Variants in CDH13 observed in about 807,000 individuals in gnomAD.
CDH13 encodes cadherin-13.
CDH13 carries 24 observed loss-of-function variants against 63.8 expected under a neutral mutation model. That is an observed-to-expected ratio of 0.38 (90% CI 0.27 to 0.53). The LOEUF (loss-of-function observed/expected upper bound fraction) is 0.53, where lower values mean the gene tolerates loss of function less well. Ranked by LOEUF, CDH13 falls within the 20% of genes least tolerant of loss-of-function variation. The probability of loss-of-function intolerance (pLI) is 0.85; values close to 1 mark genes in which losing one functional copy is unlikely to be tolerated. For synonymous variants in CDH13, 503 were observed against 355.3 expected, an observed-to-expected ratio of 1.42 and a Z score of -4.67; for missense variants, 1,049 against 903.1, an observed-to-expected ratio of 1.16 and a Z score of -2.07.
intron 4 of CDH13, among the ~76,000 whole-genome samples, chr16:83,140,097 C>A (rs996394571): frequency 3.9e-5 from 6 of 152,200 alleles, no homozygotes; most frequent in African/African-American, 1.2e-4. Flanking sequence ...CGTATACATT[C>A]ATAAAGACAC....
chr16:82,797,737 G>GCTAA (rs2036653243), intron 1 of CDH13, among the ~76,000 whole-genome samples: 1 of 151,488 alleles, frequency 6.6e-6, no homozygotes, highest in Non-Finnish European at 1.5e-5. Flanking sequence ...AGTGAACAAT[G>GCTAA]CTAAGGTTTA....
chr16:83,598,663 T>G (rs1237928534), intron 7 of CDH13, among the ~76,000 whole-genome samples: 1 of 152,114 alleles, frequency 6.6e-6, no homozygotes, highest in African/African-American at 2.4e-5. Context: ...ATGTATTAGC[T>G]CATAGAATTC....
intron 6 of CDH13, among the ~76,000 whole-genome samples, chr16:83,451,423 A>T (rs2072884144): frequency 6.6e-6 from 1 of 152,196 alleles, no homozygotes; most frequent in Non-Finnish European, 1.5e-5. Context: ...GTTACCTCCC[A>T]CCAGGTCCCA....
intron 2 of CDH13, among the ~76,000 whole-genome samples, chr16:82,947,697 A>C (rs1664666305): frequency 6.6e-6 from 1 of 152,190 alleles, no homozygotes; most frequent in African/African-American, 2.4e-5. Flanking sequence ...TTAAGCTTGC[A>C]AGTTTGGGAG....
At chr16:83,680,881 A>G (rs1321920837) in intron 10 of CDH13, among the ~76,000 whole-genome samples, 1 of 152,082 alleles carries the variant, frequency 6.6e-6, no homozygotes, top group African/African-American at 2.4e-5. Context: ...TCAGGTGCTC[A>G]GAACATATTC....
At chr16:83,324,517 A>G (rs2090315867) in intron 5 of CDH13, among the ~76,000 whole-genome samples, 1 of 152,228 alleles carries the variant, frequency 6.6e-6, no homozygotes, top group African/African-American at 2.4e-5. Context: ...CCCTTCCATG[A>G]GTAGCTTCGT....
intron 10 of CDH13, among the ~76,000 whole-genome samples, chr16:83,689,058 C>T (rs966329902): frequency 1.3e-5 from 2 of 152,098 alleles, no homozygotes; most frequent in Non-Finnish European, 2.9e-5. Context: ...GGCTATTTTA[C>T]AAATCGACCA....
intron 6 of CDH13, among the ~76,000 whole-genome samples, chr16:83,390,061 AG>A: frequency 7.7e-6 from 1 of 130,630 alleles, no homozygotes; most frequent in African/African-American, 4.0e-5. Flanking sequence ...TAATTTTCCC[AG>A]AAAAAAAAAT....
In CDH13 at chr16:83,756,827, C is replaced by G. The variant is rs146879933; in HGVS notation, c.1681+8577C>G. Among the ~76,000 whole-genome samples, 196 of 152,308 alleles carry G rather than the reference C, an allele frequency of 1.3e-3. 1 individual carries two copies. The highest frequency in any genetic ancestry group is 4.6e-3 in the African/African-American group (192 of 41,570). ...AAACTAAAAAGAGAAGTAGACAAAT[C>G]TACAATCATTGTGGGAGTCTTAAAA... On this transcript the variant is annotated intron_variant, in intron 11 of 13. Transcript: ENST00000567109.
chr16:82,876,817 T>C (rs1417758508), intron 2 of CDH13, among the ~76,000 whole-genome samples: 1 of 152,064 alleles, frequency 6.6e-6, no homozygotes, highest in Non-Finnish European at 1.5e-5. Context: ...CAAACAAAAA[T>C]CAGAAGCATC....
At chr16:83,156,889 C>T (rs1157503610) in intron 4 of CDH13, among the ~76,000 whole-genome samples, 2 of 152,202 alleles carry the variant, frequency 1.3e-5, no homozygotes, top group Non-Finnish European at 2.9e-5. Flanking sequence ...AGAGGCACTC[C>T]TTCTGACATT....
At chr16:82,701,554 C>G (rs2031022470) in intron 1 of CDH13, among the ~76,000 whole-genome samples, 3 of 152,116 alleles carry the variant, frequency 2.0e-5, no homozygotes, top group African/African-American at 4.8e-5. Flanking sequence ...AAGGCTAGAC[C>G]TTAGACTTGT....
intron 2 of CDH13, among the ~76,000 whole-genome samples, chr16:83,003,454 G>C (rs532157827): frequency 9.2e-5 from 14 of 152,002 alleles, no homozygotes; most frequent in African/African-American, 3.1e-4. Flanking sequence ...GGAAAATGCT[G>C]TATAGGGAGA....
intron 6 of CDH13, among the ~76,000 whole-genome samples, chr16:83,430,419 A>G (rs186820364): frequency 6.6e-6 from 1 of 152,356 alleles, no homozygotes; most frequent in Admixed American, 6.5e-5. Context: ...TTCTTGGCAA[A>G]CAACCTAATT....
At chr16:83,002,294 G>A (rs1314248004) in intron 2 of CDH13, among the ~76,000 whole-genome samples, 11 of 152,222 alleles carry the variant, frequency 7.2e-5, no homozygotes, top group Admixed American at 6.5e-4. Context: ...GCAGGAGGAG[G>A]AGAAGGCCAT....
intron 2 of CDH13, among the ~76,000 whole-genome samples, chr16:82,956,583 G>A (rs1391422297): frequency 6.6e-6 from 1 of 151,930 alleles, no homozygotes; most frequent in Non-Finnish European, 1.5e-5. Flanking sequence ...CATTACCCCC[G>A]AGTTTAAGTC....
At chr16:82,909,252 A>ATG (rs10527714) in intron 2 of CDH13, among the ~76,000 whole-genome samples, 5,612 of 146,878 alleles carry the variant, frequency 0.038, 135 homozygotes, top group East Asian at 0.13. Flanking sequence ...CTGACTGTAT[A>ATG]TGTGTGTGTG....
At chr16:83,634,950 C>G (rs1911123629) in intron 8 of CDH13, among the ~76,000 whole-genome samples, 1 of 152,214 alleles carries the variant, frequency 6.6e-6, no homozygotes, top group Non-Finnish European at 1.5e-5. Context: ...TGGGTACCAG[C>G]TGCTGGATCA....
rs115032276 is a variant in CDH13, at chr16:83,604,937, A to G, written c.1101+2343A>G. On this transcript the variant is annotated intron_variant, in intron 8 of 13. Transcript: ENST00000567109. The stretch of plus-strand genomic sequence containing the variant: ...TGTGAATGACAGACTATTGTTTTTA[A>G]TGTCATTGAATCCAAGGAATAATTT... 7.1e-3 allele frequency among the ~76,000 whole-genome samples: 1,075 copies of G among 152,312 alleles called. 17 individuals are homozygous for G. Among genetic ancestry groups the G allele is most frequent in the African/African-American group, 0.025 (1,020 of 41,574 alleles).
Sources: gnomAD v4.1 joint callset for allele counts (sites outside exome capture counted in the v4.1 genomes callset) on GRCh38, gnomAD v4.1.1 for gene constraint, MANE v1.5 for transcripts, NCBI Gene and HGNC (gene_info 2026-07-23, HGNC 2026-07-21) for gene names.